Variants in GTF2F2 observed in about 807,000 individuals in gnomAD.
GTF2F2 encodes ATP-dependent helicase GTF2F2.
Under a neutral mutation model 42.2 loss-of-function variants are expected in GTF2F2, and 23 were observed. That is an observed-to-expected ratio of 0.55 (90% CI 0.39 to 0.77). GTF2F2 has a LOEUF of 0.77. GTF2F2 is among the 30% of genes least tolerant of loss of function. GTF2F2 has a pLI of 0.00. For synonymous variants in GTF2F2, 105 were observed against 100.8 expected, an observed-to-expected ratio of 1.04 and a Z score of -0.25; for missense variants, 261 against 287.2, an observed-to-expected ratio of 0.91 and a Z score of 0.66.
rs1269868444 is a variant in GTF2F2, at chr13:45,237,849, A to G, written c.387-15022A>G. Among the ~76,000 whole-genome samples the G allele has an allele frequency of 4.1e-4, 62 of 152,232 alleles. 1 individual carries two copies. The highest frequency in any genetic ancestry group is 4.1e-3 in the Admixed American group (62 of 15,274). On this transcript the variant is annotated intron_variant, in intron 5 of 7. Transcript: ENST00000340473. ...CTCTCTTTAATATTGAGTTATAAACATTACTGGTTCTTCTGATAGAAAAGC... is the reference window on the plus strand; with the variant it reads ...CTCTCTTTAATATTGAGTTATAAACGTTACTGGTTCTTCTGATAGAAAAGC...
chr13:45,242,463 C>A lies in GTF2F2; in HGVS notation c.387-10408C>A, dbSNP rs1328518850. 2.0e-5 allele frequency among the ~76,000 whole-genome samples: 3 copies of A among 151,964 alleles called. No individual in the cohort carries two copies. In the East Asian group the frequency reaches 5.8e-4, roughly 29 times the overall value. On this transcript the variant is annotated intron_variant, in intron 5 of 7. Transcript: ENST00000340473. Reference sequence around the variant, plus strand: ...AGAAAATACACATTCTTTTGTAGAACCTATCCTTTAAAAAATAACAAATTG... The same window carrying A: ...AGAAAATACACATTCTTTTGTAGAAACTATCCTTTAAAAAATAACAAATTG...
intron 2 of GTF2F2, among the ~76,000 whole-genome samples, chr13:45,137,686 C>T (rs1869700099): frequency 6.6e-6 from 1 of 152,152 alleles, no homozygotes; most frequent in African/African-American, 2.4e-5. Context: ...AAAGAGGAAG[C>T]CCCAGTGCAC....
At chr13:45,273,539 C>T (rs1015671283) in intron 7 of GTF2F2, among the ~76,000 whole-genome samples, 4 of 151,790 alleles carry the variant, frequency 2.6e-5, no homozygotes, top group South Asian at 2.1e-4. Flanking sequence ...ATAGAATTTA[C>T]GTTGAAATTT....
chr13:45,169,309 G>C (rs1871477903), intron 4 of GTF2F2, among the ~76,000 whole-genome samples: 1 of 152,154 alleles, frequency 6.6e-6, no homozygotes, highest in Non-Finnish European at 1.5e-5. Flanking sequence ...ACACTCAGGA[G>C]AGACTGGGGT....
chr13:45,250,487 C>T (rs1875833547), intron 5 of GTF2F2, among the ~76,000 whole-genome samples: 1 of 152,168 alleles, frequency 6.6e-6, no homozygotes. Context: ...TTCAGTACTG[C>T]AGTTAATTAT....
chr13:45,251,584 C>T (rs1307549255), intron 5 of GTF2F2, among the ~76,000 whole-genome samples: 1 of 151,794 alleles, frequency 6.6e-6, no homozygotes, highest in African/African-American at 2.4e-5. Context: ...GTTAGTTTCA[C>T]CATTTAAAAA....
intron 5 of GTF2F2, among the ~76,000 whole-genome samples, chr13:45,251,145 G>A (rs114460532): frequency 0.012 from 1,896 of 152,166 alleles, 42 homozygotes; most frequent in African/African-American, 0.04. Flanking sequence ...AATTGAAAAG[G>A]CAATTGGTAA....
chr13:45,186,027 T>G (rs1188906797), intron 4 of GTF2F2, among the ~76,000 whole-genome samples: 3 of 152,014 alleles, frequency 2.0e-5, no homozygotes, highest in Admixed American at 1.3e-4. Context: ...CAGGCTGGAG[T>G]GCAGTGGCAC....
intron 4 of GTF2F2, among the ~76,000 whole-genome samples, chr13:45,195,897 C>G (rs1319288143): frequency 1.3e-5 from 2 of 152,290 alleles, no homozygotes; most frequent in East Asian, 3.9e-4. Context: ...TTCAGGTGAT[C>G]TGCCCACCTC....
intron 4 of GTF2F2, among the ~76,000 whole-genome samples, chr13:45,162,981 G>T (rs1238212141): frequency 2.1e-5 from 3 of 143,638 alleles, no homozygotes; most frequent in African/African-American, 7.9e-5. Flanking sequence ...TGGAGTTGGC[G>T]TGTATTATTG....
intron 5 of GTF2F2, among the ~76,000 whole-genome samples, chr13:45,242,280 T>TA (rs1555271209): frequency 1.6e-4 from 24 of 146,370 alleles, no homozygotes; most frequent in African/African-American, 5.2e-4. Flanking sequence ...TTTTTTTTTT[T>TA]AACTTGACTT....
intron 4 of GTF2F2, among the ~76,000 whole-genome samples, chr13:45,167,419 G>A (rs1464043192): frequency 1.1e-5 from 1 of 87,518 alleles, no homozygotes; most frequent in Non-Finnish European, 2.4e-5. Flanking sequence ...TTTTTTTTGA[G>A]ATAGAGCCTT....
At chr13:45,155,211 A>G (rs1294682503) in intron 4 of GTF2F2, among the ~76,000 whole-genome samples, 1 of 152,234 alleles carries the variant, frequency 6.6e-6, no homozygotes, top group African/African-American at 2.4e-5. Flanking sequence ...GTTGGTCATG[A>G]ACCTGCCAAA....
At chr13:45,163,948 G>GT (rs1470258720) in intron 4 of GTF2F2, among the ~76,000 whole-genome samples, 2 of 152,140 alleles carry the variant, frequency 1.3e-5, no homozygotes, top group Non-Finnish European at 2.9e-5. Flanking sequence ...AAGGCCAGGA[G>GT]TTTGAGATCA....
At chr13:45,230,592 T>A (rs1196370349) in intron 5 of GTF2F2, among the ~76,000 whole-genome samples, 8 of 152,234 alleles carry the variant, frequency 5.3e-5, no homozygotes, top group African/African-American at 1.9e-4. Flanking sequence ...AGTCTTTTTT[T>A]AAAATAGTCT....
intron 5 of GTF2F2, among the ~76,000 whole-genome samples, chr13:45,246,899 G>T (rs1029511238): frequency 6.6e-6 from 1 of 151,816 alleles, no homozygotes; most frequent in East Asian, 1.9e-4. Flanking sequence ...TTAGCCTGGC[G>T]TGGTGGCGGG....
At chr13:45,153,904 G>T (rs747912372) in intron 4 of GTF2F2, among the ~76,000 whole-genome samples, 2 of 149,620 alleles carry the variant, frequency 1.3e-5, no homozygotes, top group Non-Finnish European at 2.9e-5. Flanking sequence ...GTGAACCCAG[G>T]AGGTGGAGGT....
At chr13:45,140,419 A>G (rs1272755354) in intron 2 of GTF2F2, among the ~76,000 whole-genome samples, 1 of 152,228 alleles carries the variant, frequency 6.6e-6, no homozygotes, top group Non-Finnish European at 1.5e-5. Flanking sequence ...AAACTCCAGC[A>G]TGTCCTAGTT....
intron 5 of GTF2F2, among the ~76,000 whole-genome samples, chr13:45,249,955 T>C (rs887699966): frequency 6.6e-6 from 1 of 152,112 alleles, no homozygotes; most frequent in African/African-American, 2.4e-5. Context: ...ATATCTGTCT[T>C]CAATCTTTTT....
Sources: gnomAD v4.1 joint callset for allele counts (sites outside exome capture counted in the v4.1 genomes callset) on GRCh38, gnomAD v4.1.1 for gene constraint, MANE v1.5 for transcripts, NCBI Gene and HGNC (gene_info 2026-07-23, HGNC 2026-07-21) for gene names.